The following PDZD2 variants were observed in gnomAD, a reference collection of about 807,000 sequenced individuals.
PDZD2 encodes PDZ domain containing 2, also known as PDZ domain-containing protein 2.
PDZD2 carries 90 observed loss-of-function variants against 220.7 expected under a neutral mutation model. That is an observed-to-expected ratio of 0.41 (90% CI 0.34 to 0.49). The LOEUF is 0.49. Ranked by LOEUF, PDZD2 falls within the 20% of genes least tolerant of loss-of-function variation. The pLI, the probability that PDZD2 is intolerant of heterozygous loss-of-function variation, is 0.28. For synonymous variants in PDZD2, 1,375 were observed against 1,450.5 expected, an observed-to-expected ratio of 0.95 and a Z score of 1.18; for missense variants, 3,174 against 3,608.5, an observed-to-expected ratio of 0.88 and a Z score of 3.08.
chr5:31,654,454 C>A (rs1020441572), intron 1 of PDZD2, among the ~76,000 whole-genome samples: 2 of 152,066 alleles, frequency 1.3e-5, no homozygotes, highest in Non-Finnish European at 2.9e-5. Context: ...TTCCTGTCTG[C>A]GATGTCTGTC....
At chr5:31,991,052 A>AAGAC (rs1484910398) in intron 3 of PDZD2, among the ~76,000 whole-genome samples, 1 of 152,212 alleles carries the variant, frequency 6.6e-6, no homozygotes, top group African/African-American at 2.4e-5. Context: ...TTCCATGAGA[A>AAGAC]AGACACTGGG....
chr5:31,977,035 T>A (rs1269722174), intron 2 of PDZD2, among the ~76,000 whole-genome samples: 3 of 151,024 alleles, frequency 2.0e-5, no homozygotes, highest in Admixed American at 6.6e-5. Flanking sequence ...TTTTTTTTTT[T>A]AAAGTAGAGA....
intron 6 of PDZD2, among the ~76,000 whole-genome samples, chr5:32,034,234 C>G (rs530452664): frequency 2.2e-4 from 34 of 152,208 alleles, no homozygotes; most frequent in African/African-American, 7.2e-4. Flanking sequence ...ACCTTGGCCA[C>G]TGTGTAATAA....
intron 2 of PDZD2, among the ~76,000 whole-genome samples, chr5:31,956,336 GTTTTT>G (rs71598912): frequency 7.5e-6 from 1 of 133,506 alleles, no homozygotes; most frequent in African/African-American, 2.8e-5. Context: ...GAAACTAAGA[GTTTTT>G]TTTTTTTTTT....
intron 1 of PDZD2, among the ~76,000 whole-genome samples, chr5:31,664,451 T>C (rs1580534850): frequency 6.9e-6 from 1 of 144,810 alleles, no homozygotes; most frequent in East Asian, 2.0e-4. Flanking sequence ...CATGCATGCA[T>C]ACACACACAC....
chr5:31,945,308 T>C (rs772200934), intron 2 of PDZD2, among the ~76,000 whole-genome samples: 3 of 152,218 alleles, frequency 2.0e-5, no homozygotes, highest in East Asian at 1.9e-4. Flanking sequence ...GTCAGCGGCC[T>C]GGAAACTGAC....
At chr5:31,670,842 G>A (rs970813591) in intron 1 of PDZD2, among the ~76,000 whole-genome samples, 1 of 152,144 alleles carries the variant, frequency 6.6e-6, no homozygotes, top group Admixed American at 6.5e-5. Context: ...CAAAGGGTGT[G>A]CTCATGAGGC....
chr5:31,724,340 C>T (rs1229769800), intron 1 of PDZD2, among the ~76,000 whole-genome samples: 1 of 152,196 alleles, frequency 6.6e-6, no homozygotes, highest in East Asian at 1.9e-4. Flanking sequence ...CAGTGGCTCA[C>T]GCCTGTAATC....
At chr5:32,077,655 C>A in intron 19 of PDZD2, 49 bp downstream of exon 19, 1 of 1,587,688 alleles carries the variant, frequency 6.3e-7, no homozygotes, top group Non-Finnish European at 8.6e-7. Flanking sequence ...GGGGAGATAC[C>A]CTAATGAAAG....
Position 31,776,626 on chromosome 5 carries a change from T to TTTTTTTTATTTA in PDZD2, c.-360-22260_-360-22259insTTTTATTTATTT, listed in dbSNP as rs1554073487. Among the ~76,000 whole-genome samples, 44 of 141,116 alleles carry TTTTTTTTATTTA rather than the reference T, an allele frequency of 3.1e-4. 2 individuals carry two copies. The South Asian group carries it at 9.9e-3, about 32-fold the overall frequency. The allele number at this position is 141,116 out of a possible 152,430, so 92.6% of individuals were successfully genotyped here. On this transcript the variant is annotated intron_variant, in intron 1 of 24. Transcript: ENST00000438447. ...CCACCACGCCTGGCCTTATTTTTTA[T>TTTTTTTTATTTA]TTTATTTATTTATTTATTTATTTAT...
At chr5:31,767,207 T>G (rs1028161397) in intron 1 of PDZD2, among the ~76,000 whole-genome samples, 3 of 151,780 alleles carry the variant, frequency 2.0e-5, no homozygotes, top group African/African-American at 7.3e-5. Context: ...AATTTTTGTA[T>G]TTTTCGTAGA....
At chr5:31,908,766 CG>C in intron 2 of PDZD2, 3 of 926,622 alleles carry the variant, frequency 3.2e-6, no homozygotes, top group Non-Finnish European at 5.0e-6. Flanking sequence ...CAGTTCTGGC[CG>C]GGCGTGGTGG....
intron 9 of PDZD2, 21 bp downstream of exon 9, chr5:32,052,751 T>G: frequency 6.2e-7 from 1 of 1,609,748 alleles, no homozygotes; most frequent in Non-Finnish European, 8.5e-7. Context: ...TTCTGCAGAC[T>G]GTTCTGCCTT....
chr5:31,663,283 C>T (rs1046658370), intron 1 of PDZD2, among the ~76,000 whole-genome samples: 1 of 152,146 alleles, frequency 6.6e-6, no homozygotes, highest in African/African-American at 2.4e-5. Flanking sequence ...CTATTCTAAT[C>T]TTGTATGTTA....
intron 1 of PDZD2, among the ~76,000 whole-genome samples, chr5:31,756,953 G>T (rs1203123572): frequency 6.6e-6 from 1 of 152,256 alleles, no homozygotes; most frequent in Non-Finnish European, 1.5e-5. Flanking sequence ...ATTTAATTTT[G>T]TGTCCACAGT....
chr5:32,101,321 T>G lies in PDZD2; in HGVS notation c.8353+82T>G, dbSNP rs1744239350. The G allele has an allele frequency of 3.1e-6, 4 of 1,295,224 alleles. No individual in the cohort carries two copies. In the African/African-American group the frequency reaches 4.5e-5, roughly 14 times the overall value. The allele number at this position is 1,295,224 out of a possible 1,614,324, so 80.2% of individuals were successfully genotyped here. ...TCTCAATGAAAAAAATGCCTTCCAT[T>G]TAGAAATCAAAAAACCTAAACTGTT... On this transcript the variant is annotated intron_variant, in intron 24 of 24. Coordinates refer to ENST00000438447, the MANE Select transcript of PDZD2 (RefSeq NM_178140.4).
chr5:31,644,495 CT>C (rs924112001), intron 1 of PDZD2, among the ~76,000 whole-genome samples: 1 of 152,104 alleles, frequency 6.6e-6, no homozygotes, highest in Non-Finnish European at 1.5e-5. Context: ...TTGAAGAGGC[CT>C]TTTGTGGTCT....
rs1175201647 is a variant in PDZD2, at chr5:31,667,167, C to T, written c.-361+27730C>T. Among the ~76,000 whole-genome samples the T allele has an allele frequency of 1.3e-4, 17 of 132,274 alleles. No individual in the cohort carries two copies. The Admixed American group carries it at 1.4e-3, about 11-fold the overall frequency. The allele number at this position is 132,274 out of a possible 152,430, so 86.8% of individuals were successfully genotyped here. Reference sequence around the variant, plus strand: ...AGGAGAATGGCTTGAACCCAGGAGACGGAGCTTGCAGTGAGCTGAGATCGC... The same window carrying T: ...AGGAGAATGGCTTGAACCCAGGAGATGGAGCTTGCAGTGAGCTGAGATCGC... On this transcript the variant is annotated intron_variant, in intron 1 of 24. Coordinates refer to ENST00000438447, the MANE Select transcript of PDZD2 (RefSeq NM_178140.4).
At chr5:31,651,972 A>T (rs1745367301) in intron 1 of PDZD2, among the ~76,000 whole-genome samples, 1 of 146,836 alleles carries the variant, frequency 6.8e-6, no homozygotes, top group African/African-American at 2.5e-5. Context: ...GGTGCGCACC[A>T]CCATGCCCGG....
Sources: gnomAD v4.1 joint callset for allele counts (sites outside exome capture counted in the v4.1 genomes callset) on GRCh38, gnomAD v4.1.1 for gene constraint, MANE v1.5 for transcripts, NCBI Gene and HGNC (gene_info 2026-07-23, HGNC 2026-07-21) for gene names.